Variants in AVL9 observed in about 807,000 individuals in gnomAD.
The protein encoded by AVL9 is late secretory pathway protein AVL9 homolog.
A neutral mutation model predicts 79.2 loss-of-function variants in AVL9; 49 were observed. The observed-to-expected ratio is 0.62, with a 90% CI of 0.49 to 0.79. The LOEUF (loss-of-function observed/expected upper bound fraction) is 0.79. AVL9 is among the 30% of genes least tolerant of loss of function. The pLI is 0.00. For synonymous variants in AVL9, 299 were observed against 280.6 expected, an observed-to-expected ratio of 1.07 and a Z score of -0.65; for missense variants, 682 against 776.8, an observed-to-expected ratio of 0.88 and a Z score of 1.45.
chr7:32,529,164 CTCT>C (rs1788530631), intron 1 of AVL9, among the ~76,000 whole-genome samples: 1 of 152,176 alleles, frequency 6.6e-6, no homozygotes, highest in African/African-American at 2.4e-5. Flanking sequence ...AATGGGATGC[CTCT>C]CATTTAAGAT....
At chr7:32,516,870 A>G (rs1787925200) in intron 1 of AVL9, among the ~76,000 whole-genome samples, 1 of 151,844 alleles carries the variant, frequency 6.6e-6, no homozygotes, top group Non-Finnish European at 1.5e-5. Context: ...TCTGCTTGCA[A>G]GTGTTTGTGT....
At chr7:32,509,428 A>C (rs922935497) in intron 1 of AVL9, among the ~76,000 whole-genome samples, 3 of 152,142 alleles carry the variant, frequency 2.0e-5, no homozygotes, top group Non-Finnish European at 4.4e-5. Context: ...AGGGCACATC[A>C]ACACAACTTA....
chr7:32,579,553 T>TA lies in AVL9; in HGVS notation c.1689-665dup, dbSNP rs1791373082. The stretch of plus-strand genomic sequence containing the variant: ...ATATTATATTATATATTATATATTA[T>TA]ATATTATATTATATATTATATTATA... On this transcript the variant is annotated intron_variant, in intron 13 of 15. Coordinates refer to ENST00000318709, the MANE Select transcript of AVL9 (RefSeq NM_015060.3). Among the ~76,000 whole-genome samples the TA allele has an allele frequency of 2.3e-3, 9 of 3,918 alleles. 4 individuals carry two copies. The highest frequency in any genetic ancestry group is 0.011 in the African/African-American group (9 of 842). The allele number at this position is 3,918 out of a possible 152,430, so 2.6% of individuals were successfully genotyped here. A position where few individuals can be genotyped will look rare whatever the true frequency, so the allele number is the denominator to read the frequency against.
intron 2 of AVL9, among the ~76,000 whole-genome samples, chr7:32,544,123 A>G (rs1358366239): frequency 6.6e-6 from 1 of 152,100 alleles, no homozygotes; most frequent in Non-Finnish European, 1.5e-5. Context: ...CAAATGTTCT[A>G]CAGATTTTCT....
chr7:32,502,309 C>G (rs1787162226), intron 1 of AVL9, among the ~76,000 whole-genome samples: 2 of 149,560 alleles, frequency 1.3e-5, no homozygotes, highest in African/African-American at 4.9e-5. Flanking sequence ...AGGAGTATCA[C>G]TTGAGCCCAG....
Position 32,585,207 on chromosome 7 carries a change from C to G in AVL9, c.*1300C>G, listed in dbSNP as rs183181508. ...GTCCTCCTATAATCAATCCCTACCC[C>G]CTTCTAGAAGTATCTTAAAAGAAAA... On this transcript the variant is annotated 3_prime_UTR_variant, in exon 16 of 16. Transcript: ENST00000318709. 2.0e-4 allele frequency: 31 copies of G among 152,290 alleles called. No homozygotes were observed. The highest frequency in any genetic ancestry group is 1.7e-3 in the East Asian group (9 of 5,192). The allele number at this position is 152,290 out of a possible 1,614,324, so 9.4% of individuals were successfully genotyped here.
At chr7:32,561,300 A>T (rs1429103662) in intron 10 of AVL9, among the ~76,000 whole-genome samples, 1 of 152,224 alleles carries the variant, frequency 6.6e-6, no homozygotes, top group Non-Finnish European at 1.5e-5. Flanking sequence ...TTGTATTCAA[A>T]ATCTGTAATC....
rs1562787978 is a variant in AVL9 at position 32,558,971 on chromosome 7, C to G, written c.722C>G (p.Pro241Arg). ...CTCAGTGACTGTTCTCAGTATAGAC[C>G]CCGGAAAAGTATGTCTGAAGATGGT... ...HGLSDCSQYR[P>R]RKSMSEDGGL... The change falls in exon 10 of 16, where the codon CCC becomes CGC. Residue 241 changes from proline to arginine, a missense_variant. Pro to Arg is a moderately radical substitution (Grantham distance 103). Coordinates refer to ENST00000318709, the MANE Select transcript of AVL9 (RefSeq NM_015060.3). The G allele has an allele frequency of 6.2e-7, 1 of 1,610,262 alleles. No individual in the cohort carries two copies. Among genetic ancestry groups the G allele is most frequent in the Non-Finnish European group, 8.5e-7 (1 of 1,178,368 alleles).
intron 1 of AVL9, among the ~76,000 whole-genome samples, chr7:32,528,996 C>A (rs1425160498): frequency 6.6e-6 from 1 of 152,062 alleles, no homozygotes; most frequent in East Asian, 1.9e-4. Flanking sequence ...GGTGACAGAG[C>A]GAGACTGCAT....
At position 32,584,046 on chromosome 7, in the gene AVL9, A is replaced by T. The variant is rs1241151388; in HGVS notation, c.*139A>T. On this transcript the variant is annotated 3_prime_UTR_variant, in exon 16 of 16. Coordinates refer to ENST00000318709, the MANE Select transcript of AVL9 (RefSeq NM_015060.3). ...GTTTACATGGATGTTGCTCTAAGTG[A>T]ATGTTTCGGGATGCCGAAATGATGA... The T allele has an allele frequency of 9.6e-6, 7 of 725,466 alleles. No homozygotes were observed. The Admixed American group carries it at 1.4e-4, about 15-fold the overall frequency. The allele number at this position is 725,466 out of a possible 1,614,324, so 44.9% of individuals were successfully genotyped here.
intron 1 of AVL9, among the ~76,000 whole-genome samples, chr7:32,499,948 A>C (rs964523512): frequency 4.6e-5 from 7 of 152,296 alleles, no homozygotes; most frequent in Non-Finnish European, 4.4e-5. Flanking sequence ...ATGGCTGCAT[A>C]GTATTCCATG....
At chr7:32,540,415 C>G (rs1443982664) in intron 1 of AVL9, among the ~76,000 whole-genome samples, 1 of 152,124 alleles carries the variant, frequency 6.6e-6, no homozygotes, top group Non-Finnish European at 1.5e-5. Context: ...GTGGTTGGGG[C>G]TCTACTAAAG....
chr7:32,580,912 G>C (rs1791470994), intron 15 of AVL9, 22 bp downstream of exon 15: 1 of 1,559,824 alleles, frequency 6.4e-7, no homozygotes, highest in Non-Finnish European at 8.8e-7. Context: ...CTTTAGCCAG[G>C]AACAAATTGG....
At chr7:32,565,773 C>T (rs562495034) in intron 10 of AVL9, among the ~76,000 whole-genome samples, 12 of 151,936 alleles carry the variant, frequency 7.9e-5, no homozygotes, top group African/African-American at 2.4e-4. Context: ...TTTGGGAGGC[C>T]GAGGCGGGCA....
chr7:32,498,002 A>G, intron 1 of AVL9, among the ~76,000 whole-genome samples: 1 of 152,168 alleles, frequency 6.6e-6, no homozygotes, highest in East Asian at 1.9e-4. Context: ...GAAGATTCCT[A>G]TACTTGGTCG....
In AVL9 at chr7:32,559,244, A is replaced by G. The variant is rs1790225956; in HGVS notation, c.995A>G (p.Glu332Gly). The change falls in exon 10 of 16, where the codon GAA becomes GGA. Residue 332 changes from glutamate to glycine, a missense_variant. Transcript: ENST00000318709. ...CCAGATTCTTCAGAAAGTGACTGGG[A>G]AACTTTGGATCCTAGTGTCTTAGAG... ...PSPDSSESDW[E>G]TLDPSVLEDP... The G allele has an allele frequency of 1.2e-6, 2 of 1,614,116 alleles. No individual in the cohort carries two copies. Among genetic ancestry groups the G allele is most frequent in the Non-Finnish European group, 1.7e-6 (2 of 1,180,044 alleles).
chr7:32,572,102 C>A (rs1790872584), intron 11 of AVL9, among the ~76,000 whole-genome samples: 1 of 149,894 alleles, frequency 6.7e-6, no homozygotes, highest in South Asian at 2.1e-4. Context: ...GCAGAGGTTG[C>A]AGGGAGCCGA....
At chr7:32,512,422 A>G (rs1342271776) in intron 1 of AVL9, among the ~76,000 whole-genome samples, 1 of 152,228 alleles carries the variant, frequency 6.6e-6, no homozygotes, top group Admixed American at 6.5e-5. Flanking sequence ...TGAGGACACT[A>G]AAGACCAGAA....
chr7:32,534,721 A>G (rs1003337007), intron 1 of AVL9: 1 of 152,230 alleles, frequency 6.6e-6, no homozygotes, highest in African/African-American at 2.4e-5. Context: ...AGGCAGGTGG[A>G]TCACTTCAGG....
Sources: gnomAD v4.1 joint callset for allele counts (sites outside exome capture counted in the v4.1 genomes callset) on GRCh38, gnomAD v4.1.1 for gene constraint, MANE v1.5 for transcripts, NCBI Gene and HGNC (gene_info 2026-07-23, HGNC 2026-07-21) for gene names.